Variants in PDZD2 observed in about 807,000 individuals in gnomAD.
PDZD2 encodes the protein PDZ domain-containing protein 2.
Under a neutral mutation model 220.7 loss-of-function variants are expected in PDZD2, and 90 were observed. That is an observed-to-expected ratio of 0.41 (90% CI 0.34 to 0.49). PDZD2 has a LOEUF of 0.49. Ranked by LOEUF, PDZD2 falls within the 20% of genes least tolerant of loss-of-function variation. The pLI is 0.28. For synonymous variants in PDZD2, 1,375 were observed against 1,450.5 expected (o/e 0.95, Z 1.18); for missense variants, 3,174 against 3,608.5 (o/e 0.88, Z 3.08).
At chr5:31,798,316 A>G (rs1754164321) in intron 1 of PDZD2, among the ~76,000 whole-genome samples, 2 of 152,232 alleles carry the variant, frequency 1.3e-5, no homozygotes, top group Non-Finnish European at 2.9e-5. Flanking sequence ...GCAAAGAGCC[A>G]GACTTCCCTC....
chr5:31,768,083 G>A (rs75780824), intron 1 of PDZD2, among the ~76,000 whole-genome samples: 3,715 of 152,258 alleles, frequency 0.024, 142 homozygotes, highest in African/African-American at 0.083. Context: ...AAGAGGATGA[G>A]AGGCACCAAC....
intron 5 of PDZD2, among the ~76,000 whole-genome samples, chr5:32,008,402 C>T (rs1753024085): frequency 6.6e-6 from 1 of 151,618 alleles, no homozygotes; most frequent in African/African-American, 2.4e-5. Context: ...TGCCTCAGTC[C>T]CCCAAGTAGC....
At chr5:31,653,847 C>T (rs895538312) in intron 1 of PDZD2, among the ~76,000 whole-genome samples, 30 of 152,218 alleles carry the variant, frequency 2.0e-4, no homozygotes, top group African/African-American at 6.7e-4. Context: ...TGCAGTGGCG[C>T]GATCTCAGCT....
intron 1 of PDZD2, among the ~76,000 whole-genome samples, chr5:31,675,277 G>C (rs1651061): frequency 0.1 from 15,397 of 152,076 alleles, 806 homozygotes; most frequent in East Asian, 0.15. Flanking sequence ...TGGTAGGCTC[G>C]TGGGCTCCTT....
chr5:31,908,621 A>G, intron 2 of PDZD2: 1 of 1,029,042 alleles, frequency 9.7e-7, no homozygotes, highest in Non-Finnish European at 1.5e-6. Context: ...GCCTACAAGA[A>G]ATACATCAAA....
At chr5:31,905,933 CT>C (rs1418098110) in intron 2 of PDZD2, among the ~76,000 whole-genome samples, 9 of 152,076 alleles carry the variant, frequency 5.9e-5, no homozygotes, top group African/African-American at 1.7e-4. Context: ...CCATTCTTGC[CT>C]AACTTCAGTG....
chr5:32,090,171 C>T lies in PDZD2; in HGVS notation c.6723C>T (p.His2241=). Reference sequence around the variant, plus strand: ...TTGGACGGGAGGGTCACCCCCCACACAGCCTGGGTCGCTCTCGGGACAGCC... The same window carrying T: ...TTGGACGGGAGGGTCACCCCCCACATAGCCTGGGTCGCTCTCGGGACAGCC... ...SHFGREGHPP[H]SLGRSRDSQV... is the part of the protein sequence containing the mutation. Residue 2241 remains histidine (H), a synonymous_variant, in exon 20 of 25, where the codon CAC becomes CAT. Coordinates refer to ENST00000438447, the MANE Select transcript of PDZD2 (RefSeq NM_178140.4). The surrounding 1 kb of genome is among the most constrained non-coding windows in gnomAD (Gnocchi z 4.3). 6.2e-7 allele frequency: 1 copy of T among 1,614,094 alleles called. No individual in the cohort carries two copies. Among genetic ancestry groups the T allele is most frequent in the South Asian group, 1.1e-5 (1 of 91,078 alleles).
intron 2 of PDZD2, among the ~76,000 whole-genome samples, chr5:31,864,633 C>T (rs1213860695): frequency 6.6e-6 from 1 of 151,950 alleles, no homozygotes; most frequent in Non-Finnish European, 1.5e-5. Flanking sequence ...GATTCTCCTG[C>T]ATCAGCCTCC....
intron 1 of PDZD2, among the ~76,000 whole-genome samples, chr5:31,640,346 C>T (rs1274737214): frequency 6.6e-6 from 1 of 152,188 alleles, no homozygotes; most frequent in African/African-American, 2.4e-5. Flanking sequence ...CGAGGGCATT[C>T]CAGAGCTCCA....
chr5:31,735,539 C>G (rs1188613958), intron 1 of PDZD2, among the ~76,000 whole-genome samples: 2 of 152,186 alleles, frequency 1.3e-5, no homozygotes, highest in African/African-American at 4.8e-5. Context: ...TGGCTCATGC[C>G]TGTAATCCCA....
At chr5:31,824,109 TC>T (rs1756070018) in intron 2 of PDZD2, among the ~76,000 whole-genome samples, 1 of 152,194 alleles carries the variant, frequency 6.6e-6, no homozygotes, top group South Asian at 2.1e-4. Context: ...GTCAAAGTGA[TC>T]TTTTTGCACC....
At chr5:31,890,975 T>C (rs774836445) in intron 2 of PDZD2, among the ~76,000 whole-genome samples, 4 of 152,158 alleles carry the variant, frequency 2.6e-5, no homozygotes, top group Non-Finnish European at 5.9e-5. Context: ...TGTCAGTGCG[T>C]CTGGCAACCG....
At position 31,822,769 on chromosome 5, in the gene PDZD2, A is replaced by T. The variant is rs538441373; in HGVS notation, c.476+23045A>T. ...ACCTGGCCTCATCCAAATCCTGCAG[A>T]TGTATTTTTCACCCAAGAAATTTCA... On this transcript the variant is annotated intron_variant, in intron 2 of 24. Coordinates refer to ENST00000438447, the MANE Select transcript of PDZD2 (RefSeq NM_178140.4). 20 of 1,038,012 alleles carry T rather than the reference A, an allele frequency of 1.9e-5. No homozygotes were observed. In the East Asian group the frequency reaches 6.7e-4, roughly 35 times the overall value. The allele number at this position is 1,038,012 out of a possible 1,614,324, so 64.3% of individuals were successfully genotyped here. A position where few individuals can be genotyped will look rare whatever the true frequency, so the allele number is the denominator to read the frequency against.
chr5:31,736,195 AAC>A, intron 1 of PDZD2, among the ~76,000 whole-genome samples: 1 of 152,322 alleles, frequency 6.6e-6, no homozygotes, highest in Middle Eastern at 3.4e-3. Flanking sequence ...TTTGTCAGTA[AAC>A]ATAAAAAAGA....
Position 31,665,268 on chromosome 5 carries a change from C to T in PDZD2, c.-361+25831C>T, listed in dbSNP as rs1163352826. ...CGTGTGTATCTCTCACACCATTGCA[C>T]CTGCTCTTTCCTGTCCCTGGAATTT... On this transcript the variant is annotated intron_variant, in intron 1 of 24. Transcript: ENST00000438447. 2.0e-5 allele frequency among the ~76,000 whole-genome samples: 3 copies of T among 152,094 alleles called. No homozygotes were observed. In the East Asian group the frequency reaches 5.8e-4, roughly 29 times the overall value.
chr5:31,751,723 C>A (rs953342670), intron 1 of PDZD2, among the ~76,000 whole-genome samples: 9 of 152,086 alleles, frequency 5.9e-5, no homozygotes, highest in Non-Finnish European at 1.2e-4. Flanking sequence ...CTGAGCCTGC[C>A]CCCCAGTTCC....
chr5:31,683,991 T>TC (rs1244889207), intron 1 of PDZD2, among the ~76,000 whole-genome samples: 8 of 152,040 alleles, frequency 5.3e-5, no homozygotes, highest in Non-Finnish European at 1.0e-4. Flanking sequence ...TAATTTTTGA[T>TC]CCATTTGGAA....
At chr5:31,654,948 C>T (rs2150108740) in intron 1 of PDZD2, among the ~76,000 whole-genome samples, 1 of 152,244 alleles carries the variant, frequency 6.6e-6, no homozygotes, top group Non-Finnish European at 1.5e-5. Context: ...CTTGCCCTTC[C>T]TGTTCTGATT....
chr5:31,883,524 A>G (rs940197355), intron 2 of PDZD2, among the ~76,000 whole-genome samples: 2 of 152,000 alleles, frequency 1.3e-5, no homozygotes, highest in East Asian at 1.9e-4. Context: ...TCTGGCCAGC[A>G]TGCTACTTTT....
Sources: allele counts gnomAD v4.1 joint callset (sites outside exome capture counted in the v4.1 genomes callset), GRCh38; gene constraint gnomAD v4.1.1; non-coding constraint Gnocchi (gnomAD v3.1); transcripts MANE v1.5; gene names NCBI Gene and HGNC (gene_info 2026-07-23, HGNC 2026-07-21).